The following TRPC6 variants were observed in gnomAD, a reference collection of about 807,000 sequenced individuals.
TRPC6 encodes short transient receptor potential channel 6.
In TRPC6, 55 loss-of-function variants were observed where a neutral mutation model predicts 90.7. That is an observed-to-expected ratio of 0.61 (90% CI 0.49 to 0.76). The LOEUF is 0.76. TRPC6 is among the 30% of genes least tolerant of loss of function. The pLI, the probability that TRPC6 is intolerant of heterozygous loss-of-function variation, is 0.00. For synonymous variants in TRPC6, 393 were observed against 393.0 expected, an observed-to-expected ratio of 1.00 and a Z score of 0.00; for missense variants, 989 against 1,122.7, an observed-to-expected ratio of 0.88 and a Z score of 1.70.
intron 10 of TRPC6, among the ~76,000 whole-genome samples, chr11:101,456,604 G>A (rs549677405): frequency 1.3e-5 from 2 of 152,078 alleles, no homozygotes; most frequent in Non-Finnish European, 2.9e-5. Context: ...ATTATGGAAT[G>A]CTTAGCAGCA....
intron 9 of TRPC6, among the ~76,000 whole-genome samples, chr11:101,470,753 T>A (rs1024222742): frequency 6.6e-6 from 1 of 151,818 alleles, no homozygotes; most frequent in Admixed American, 6.6e-5. Flanking sequence ...TGTGAGCAAC[T>A]GATTTCTGAA....
At chr11:101,475,211 T>G (rs947704065) in intron 6 of TRPC6, among the ~76,000 whole-genome samples, 1 of 152,200 alleles carries the variant, frequency 6.6e-6, no homozygotes, top group Non-Finnish European at 1.5e-5. Flanking sequence ...GTGGTGTTAT[T>G]GATTGGGGAA....
rs534941786 is a variant in TRPC6, at chr11:101,504,139, T to G, written c.830A>C (p.Tyr277Ser). ...FSHSRSRINAYKGLASPAYLS... is the reference protein window; with the variant it reads ...FSHSRSRINASKGLASPAYLS... ...GTAAGCCGGACTTGCCAGGCCTTTA[T>G]AGGCATTAATCCTAGATCTGGAGTG... is the stretch of plus-strand genomic sequence containing the variant. Residue 277 changes from tyrosine to serine, a missense_variant, in exon 2 of 13, where the codon TAT becomes TCT. Physicochemically the swap from Tyr to Ser is moderately radical, Grantham distance 144. Coordinates refer to ENST00000344327, the MANE Select transcript of TRPC6 (RefSeq NM_004621.6). 6.2e-7 allele frequency: 1 copy of G among 1,614,162 alleles called. No individual in the cohort carries two copies. The highest frequency in any genetic ancestry group is 2.2e-5 in the East Asian group (1 of 44,880).
At chr11:101,577,496 A>C (rs904180360) in intron 1 of TRPC6, among the ~76,000 whole-genome samples, 1 of 152,168 alleles carries the variant, frequency 6.6e-6, no homozygotes, top group African/African-American at 2.4e-5. Flanking sequence ...ATCATCTAGG[A>C]AAGAAGGAGA....
At chr11:101,480,528 C>T (rs908392821) in intron 5 of TRPC6, among the ~76,000 whole-genome samples, 1 of 151,948 alleles carries the variant, frequency 6.6e-6, no homozygotes, top group African/African-American at 2.4e-5. Context: ...TACCATAAAT[C>T]ATTCTCTTCA....
At chr11:101,570,866 A>G (rs1465139900) in intron 1 of TRPC6, among the ~76,000 whole-genome samples, 1 of 152,206 alleles carries the variant, frequency 6.6e-6, no homozygotes, top group African/African-American at 2.4e-5. Flanking sequence ...GATTGAATGT[A>G]TCTCAAAATA....
intron 1 of TRPC6, among the ~76,000 whole-genome samples, chr11:101,574,399 C>T (rs1216565391): frequency 6.6e-6 from 1 of 151,056 alleles, no homozygotes; most frequent in Non-Finnish European, 1.5e-5. Flanking sequence ...TAACTGATAA[C>T]ACTTCTTTTT....
chr11:101,542,461 G>A (rs953679125), intron 1 of TRPC6, among the ~76,000 whole-genome samples: 1 of 152,140 alleles, frequency 6.6e-6, no homozygotes, highest in African/African-American at 2.4e-5. Flanking sequence ...ATTTCAGCTA[G>A]CTGATAGTCA....
intron 1 of TRPC6, among the ~76,000 whole-genome samples, chr11:101,531,323 G>A (rs1860907592): frequency 1.3e-5 from 2 of 152,308 alleles, no homozygotes; most frequent in South Asian, 4.1e-4. Context: ...GAAGACTGAA[G>A]AACAAGAGTA....
At chr11:101,558,965 T>A (rs747483509) in intron 1 of TRPC6, among the ~76,000 whole-genome samples, 1 of 152,044 alleles carries the variant, frequency 6.6e-6, no homozygotes, top group Non-Finnish European at 1.5e-5. Flanking sequence ...TAGGCAATGT[T>A]TTTTTTGGAT....
At chr11:101,539,495 G>A (rs1396129343) in intron 1 of TRPC6, among the ~76,000 whole-genome samples, 1 of 152,126 alleles carries the variant, frequency 6.6e-6, no homozygotes, top group African/African-American at 2.4e-5. Flanking sequence ...CTGCTGACTT[G>A]CCTCATCAAC....
At chr11:101,535,914 G>T (rs1861034323) in intron 1 of TRPC6, among the ~76,000 whole-genome samples, 1 of 152,110 alleles carries the variant, frequency 6.6e-6, no homozygotes. Flanking sequence ...AAGGAAAATG[G>T]CAGACTGTTT....
In TRPC6 at chr11:101,471,323, C is replaced by T; in HGVS notation, c.2269G>A (p.Gly757Ser). 1 of 1,613,892 alleles carries T rather than the reference C, an allele frequency of 6.2e-7. No homozygotes were observed. Among genetic ancestry groups the T allele is most frequent in the Non-Finnish European group, 8.5e-7 (1 of 1,179,868 alleles). ...AKLWFSYFEE[G>S]RTLPVPFNLV... ...TTGAAGGGTACAGGAAGTGTTCTGCCCTCCTCAAAGTAGGAAAACCAGAGT... is the reference window on the plus strand; with the variant it reads ...TTGAAGGGTACAGGAAGTGTTCTGCTCTCCTCAAAGTAGGAAAACCAGAGT... The change falls in exon 9 of 13, where the codon GGC becomes AGC. Residue 757 changes from glycine to serine, a missense_variant. Around this residue, in one of 4 missense-constraint regions of TRPC6, gnomAD observed 191 missense variants for 196.7 expected, o/e 0.97. Transcript: ENST00000344327.
intron 1 of TRPC6, among the ~76,000 whole-genome samples, chr11:101,575,564 C>T (rs1254865248): frequency 1.3e-5 from 2 of 152,102 alleles, no homozygotes; most frequent in African/African-American, 4.8e-5. Context: ...TTAATACCTA[C>T]AAAGCACTTG....
At chr11:101,510,819 G>T (rs1860378883) in intron 1 of TRPC6, among the ~76,000 whole-genome samples, 1 of 152,102 alleles carries the variant, frequency 6.6e-6, no homozygotes, top group Non-Finnish European at 1.5e-5. Flanking sequence ...CACAGCATGT[G>T]TAGTAATTCT....
At chr11:101,480,178 CAAAAT>C (rs1859519169) in intron 5 of TRPC6, among the ~76,000 whole-genome samples, 2 of 151,848 alleles carry the variant, frequency 1.3e-5, no homozygotes, top group South Asian at 4.1e-4. Flanking sequence ...AACTCCGTCT[CAAAAT>C]AAATAAAATA....
At chr11:101,484,883 G>A (rs998959875) in intron 4 of TRPC6, among the ~76,000 whole-genome samples, 1 of 151,776 alleles carries the variant, frequency 6.6e-6, no homozygotes, top group Admixed American at 6.6e-5. Flanking sequence ...ATATTTATGG[G>A]CGGTATATAG....
At chr11:101,555,235 C>G (rs1591133369) in intron 1 of TRPC6, among the ~76,000 whole-genome samples, 1 of 152,190 alleles carries the variant, frequency 6.6e-6, no homozygotes, top group Non-Finnish European at 1.5e-5. Context: ...ATGTTTTAGG[C>G]TTGGTGTCAA....
At chr11:101,567,441 C>CA (rs1861863101) in intron 1 of TRPC6, among the ~76,000 whole-genome samples, 1 of 152,194 alleles carries the variant, frequency 6.6e-6, no homozygotes, top group Non-Finnish European at 1.5e-5. Context: ...GGCACAGCTT[C>CA]AGCAGACTTA....
Sources: gnomAD v4.1 joint callset for allele counts (sites outside exome capture counted in the v4.1 genomes callset) on GRCh38, gnomAD v4.1.1 for gene constraint, gnomAD v4.1.1 regional missense constraint, MANE v1.5 for transcripts, NCBI Gene and HGNC (gene_info 2026-07-23, HGNC 2026-07-21) for gene names.